The following OLFM2 variants were observed in gnomAD, a reference collection of about 807,000 sequenced individuals.
The protein encoded by OLFM2 is noelin-2.
A neutral mutation model predicts 43.9 loss-of-function variants in OLFM2; 20 were observed. The observed-to-expected ratio is 0.46, with a 90% CI of 0.32 to 0.66. The LOEUF (loss-of-function observed/expected upper bound fraction) is 0.66, where lower values mean the gene tolerates loss of function less well. OLFM2 is among the 30% of genes least tolerant of loss of function. The pLI, the probability that OLFM2 is intolerant of heterozygous loss-of-function variation, is 0.04. For synonymous variants in OLFM2, 268 were observed against 278.6 expected, an observed-to-expected ratio of 0.96 and a Z score of 0.38; for missense variants, 416 against 643.6, an observed-to-expected ratio of 0.65 and a Z score of 3.83.
intron 1 of OLFM2, chr19:9,913,789 G>T (rs1431739873): frequency 5.7e-6 from 3 of 526,190 alleles, no homozygotes; most frequent in Non-Finnish European, 2.5e-6. Context: ...GCTCGGGGAC[G>T]CGGGCTGCGG....
At chr19:9,912,869 G>GA (rs938026044) in intron 1 of OLFM2, among the ~76,000 whole-genome samples, 37 of 151,578 alleles carry the variant, frequency 2.4e-4, no homozygotes, top group African/African-American at 8.7e-4. Context: ...GAAAAAGAGA[G>GA]AAAAAAAGAG....
chr19:9,922,915 A>T (rs929085177), intron 1 of OLFM2, among the ~76,000 whole-genome samples: 30 of 151,738 alleles, frequency 2.0e-4, no homozygotes, highest in African/African-American at 7.2e-4. Flanking sequence ...TGTCTCAAAA[A>T]AAAAAAAAAA....
In OLFM2 at chr19:9,857,883, G is replaced by A; in HGVS notation, c.214-22C>T. On this transcript the variant is annotated intron_variant, in intron 2 of 5. Transcript: ENST00000264833. This position sits in a 1 kb window ranked among gnomAD's most constrained non-coding sequence, Gnocchi z 5.7. ...GGACCTAGGAATGGGGACAACTGAA[G>A]GGACCAGACCTCCTTCCCCAAATCC... 1.2e-6 allele frequency: 2 copies of A among 1,613,658 alleles called. No individual in the cohort carries two copies. Among genetic ancestry groups the A allele is most frequent in the Non-Finnish European group, 8.5e-7 (1 of 1,179,992 alleles).
chr19:9,888,877 T>C (rs898479859), intron 1 of OLFM2, among the ~76,000 whole-genome samples: 16 of 151,960 alleles, frequency 1.1e-4, no homozygotes, highest in Non-Finnish European at 2.2e-4. Flanking sequence ...CCATCCTGGC[T>C]AACACGGTGA....
intron 1 of OLFM2, among the ~76,000 whole-genome samples, chr19:9,912,210 T>C (rs1043764525): frequency 6.6e-6 from 1 of 152,078 alleles, no homozygotes; most frequent in Non-Finnish European, 1.5e-5. Flanking sequence ...GTCTCACACA[T>C]TGGCTGCCAA....
chr19:9,857,478 A>T lies in OLFM2; in HGVS notation c.365T>A (p.Leu122Gln). The T allele has an allele frequency of 6.2e-7, 1 of 1,613,540 alleles. No homozygotes were observed. The highest frequency in any genetic ancestry group is 8.5e-7 in the Non-Finnish European group (1 of 1,179,986). The change falls in exon 4 of 6, where the codon CTG becomes CAG. Residue 122 changes from leucine to glutamine, a missense_variant. Transcript: ENST00000264833. This position sits in a 1 kb window ranked among gnomAD's most constrained non-coding sequence, Gnocchi z 5.7. Reference sequence around the variant, plus strand: ...CAACAGTTCCGTCATCCTGTCCTTCAGCTCCTGTGCATCAAGATGGAACCA... The same window carrying T: ...CAACAGTTCCGTCATCCTGTCCTTCTGCTCCTGTGCATCAAGATGGAACCA... ...GSLSAKSFQE[L>Q]KDRMTELLPL...
chr19:9,896,712 A>T (rs2046688634), intron 1 of OLFM2, among the ~76,000 whole-genome samples: 1 of 151,962 alleles, frequency 6.6e-6, no homozygotes, highest in African/African-American at 2.4e-5. Flanking sequence ...ATTACATCAA[A>T]TCTCCTTATT....
chr19:9,916,139 T>C (rs2046874554), intron 1 of OLFM2, among the ~76,000 whole-genome samples: 1 of 152,142 alleles, frequency 6.6e-6, no homozygotes, highest in African/African-American at 2.4e-5. Context: ...GGTGGATCAC[T>C]TGAGGCCAGG....
intron 1 of OLFM2, among the ~76,000 whole-genome samples, chr19:9,905,350 G>A (rs938056725): frequency 3.3e-5 from 5 of 152,062 alleles, no homozygotes; most frequent in South Asian, 2.1e-4. Context: ...CCAGCTACTC[G>A]GGAGGCTGAG....
chr19:9,918,820 C>G (rs2086401621), intron 1 of OLFM2, among the ~76,000 whole-genome samples: 1 of 152,092 alleles, frequency 6.6e-6, no homozygotes, highest in South Asian at 2.1e-4. Context: ...GACAGCAAAT[C>G]AATACAGACA....
At chr19:9,907,812 T>C (rs1164831329) in intron 1 of OLFM2, among the ~76,000 whole-genome samples, 1 of 152,054 alleles carries the variant, frequency 6.6e-6, no homozygotes, top group Non-Finnish European at 1.5e-5. Flanking sequence ...GAGACCAGCC[T>C]GGCCAACATA....
Position 9,873,796 on chromosome 19 carries a change from A to ATTTT in OLFM2, c.64-13006_64-13003dup, listed in dbSNP as rs71188848. ...CGATGTACACTATCATGCCCAGCTAATTTTTTTTTTTTTTTTTTTTTTTTT... is the reference window on the plus strand; with the variant it reads ...CGATGTACACTATCATGCCCAGCTAATTTTTTTTTTTTTTTTTTTTTTTTTTTTT... On this transcript the variant is annotated intron_variant, in intron 1 of 5. Transcript: ENST00000264833. 8.5e-5 allele frequency among the ~76,000 whole-genome samples: 6 copies of ATTTT among 70,482 alleles called. No individual in the cohort carries two copies. In the East Asian group the frequency reaches 1.6e-3, roughly 19 times the overall value. The allele number at this position is 70,482 out of a possible 152,430, so 46.2% of individuals were successfully genotyped here.
In OLFM2 at chr19:9,936,358, C is replaced by T. The variant is rs1192661290; in HGVS notation, c.9G>A (p.Pro3=). The T allele has an allele frequency of 2.0e-6, 3 of 1,498,072 alleles. No homozygotes were observed. The highest frequency in any genetic ancestry group is 1.8e-6 in the Non-Finnish European group (2 of 1,130,526). 92.8% of individuals were successfully genotyped at this position (1,498,072 alleles called of 1,614,324 possible). A position where few individuals can be genotyped will look rare whatever the true frequency, so the allele number is the denominator to read the frequency against. The change falls in exon 1 of 6, where the codon CCG becomes CCA. Residue 3 remains proline, a synonymous_variant. Transcript: ENST00000264833. MW[P]LTVPPPLLLL... is the part of the protein sequence containing the mutation. ...GCAGCAGCGGCGGCGGGACCGTGAG[C>T]GGCCACATGACGCGCCCCTAGCCCG...
chr19:9,887,071 C>T (rs1419055589), intron 1 of OLFM2, among the ~76,000 whole-genome samples: 2 of 152,232 alleles, frequency 1.3e-5, no homozygotes, highest in African/African-American at 4.8e-5. Context: ...GTCCTCAAAA[C>T]AGAACAGTGC....
intron 1 of OLFM2, among the ~76,000 whole-genome samples, chr19:9,899,393 T>C (rs1234597967): frequency 6.6e-6 from 1 of 152,108 alleles, no homozygotes; most frequent in African/African-American, 2.4e-5. Flanking sequence ...CAGAGTGCAC[T>C]ATGCTTGTTT....
intron 1 of OLFM2, among the ~76,000 whole-genome samples, chr19:9,879,004 C>G (rs188481949): frequency 6.6e-6 from 1 of 151,958 alleles, no homozygotes; most frequent in Admixed American, 6.6e-5. Flanking sequence ...GGATTTGTGT[C>G]CCGTTCAAAT....
intron 1 of OLFM2, among the ~76,000 whole-genome samples, chr19:9,904,017 C>A (rs1044734241): frequency 6.6e-6 from 1 of 152,140 alleles, no homozygotes; most frequent in South Asian, 2.1e-4. Context: ...CTGAGGGCTG[C>A]ATCACCAGAC....
chr19:9,920,395 T>C (rs2086412196), intron 1 of OLFM2, among the ~76,000 whole-genome samples: 1 of 152,128 alleles, frequency 6.6e-6, no homozygotes, highest in Admixed American at 6.6e-5. Context: ...GATTCCTTGC[T>C]TGCATCACCC....
At chr19:9,885,698 C>G (rs529691358) in intron 1 of OLFM2, among the ~76,000 whole-genome samples, 6 of 152,176 alleles carry the variant, frequency 3.9e-5, no homozygotes, top group Non-Finnish European at 5.9e-5. Context: ...AGTGTCCCCC[C>G]ACCCTTGTGG....
Sources: gnomAD v4.1 joint callset for allele counts (sites outside exome capture counted in the v4.1 genomes callset) on GRCh38, gnomAD v4.1.1 for gene constraint, Gnocchi (gnomAD v3.1) non-coding constraint, MANE v1.5 for transcripts, NCBI Gene and HGNC (gene_info 2026-07-23, HGNC 2026-07-21) for gene names.